The following PCDHA12 variants were observed in gnomAD, a reference collection of about 807,000 sequenced individuals.
PCDHA12 encodes the protein protocadherin alpha-12.
Under a neutral mutation model 60.0 loss-of-function variants are expected in PCDHA12, and 44 were observed. The ratio of observed to expected loss-of-function variants is 0.73; its 90% CI spans 0.58 to 0.94. PCDHA12 has a LOEUF of 0.94. Among genes scored for constraint, PCDHA12 ranks in the 40% least tolerant of loss-of-function variants. PCDHA12 has a pLI of 0.00. For missense variants in PCDHA12, 1,276 were observed against 1,239.7 expected (o/e 1.03, Z -0.44); for synonymous variants, 569 against 553.0 (o/e 1.03, Z -0.40).
chr5:140,969,251 A>G, intron 1 of PCDHA12: 1 of 1,614,262 alleles, frequency 6.2e-7, no homozygotes, highest in South Asian at 1.1e-5. Flanking sequence ...AGTGACTGAC[A>G]GCAGGAATCT....
chr5:140,875,399 C>T lies in PCDHA12; in HGVS notation c.-74C>T, dbSNP rs62622796. On this transcript the variant is annotated 5_prime_UTR_variant, in exon 1 of 4. Transcript: ENST00000398631. ...AATATGTACTTACAGAAAAGGGTGACTGCTCATAAAATACCTCAGGCAAGC... is the reference window on the plus strand; with the variant it reads ...AATATGTACTTACAGAAAAGGGTGATTGCTCATAAAATACCTCAGGCAAGC... The T allele has an allele frequency of 0.028, 40,992 of 1,482,866 alleles. 731 individuals carry two copies. The highest frequency in any genetic ancestry group is 0.032 in the Non-Finnish European group (35,682 of 1,117,766). 91.9% of individuals were successfully genotyped at this position (1,482,866 alleles called of 1,614,324 possible).
chr5:140,876,776 T>C lies in PCDHA12; in HGVS notation c.1304T>C (p.Leu435Pro). ...VTARDGGSPSLWATARVSVEV... is the reference protein window; with the variant it reads ...VTARDGGSPSPWATARVSVEV... ...GCGCGGGATGGGGGCTCGCCTTCGC[T>C]GTGGGCCACGGCTAGAGTGTCCGTG... The change falls in exon 1 of 4, where the codon CTG becomes CCG. Residue 435 changes from leucine (L) to proline (P), a missense_variant. Transcript: ENST00000398631. 1.2e-6 allele frequency: 2 copies of C among 1,614,212 alleles called. No homozygotes were observed. The highest frequency in any genetic ancestry group is 1.7e-6 in the Non-Finnish European group (2 of 1,180,026).
At position 140,993,463 on chromosome 5, in the gene PCDHA12, CA is replaced by C. The variant is rs1563591979; in HGVS notation, c.2515+10901del. ...ATTCCTGTTCTCCTTCTTTCTTTCTCACACACACACACACACACACACACAC... is the reference window on the plus strand; with the variant it reads ...ATTCCTGTTCTCCTTCTTTCTTTCTCCACACACACACACACACACACACAC... On this transcript the variant is annotated intron_variant, in intron 3 of 3. Coordinates refer to ENST00000398631, the MANE Select transcript of PCDHA12 (RefSeq NM_018903.4). Among the ~76,000 whole-genome samples the C allele has an allele frequency of 9.6e-3, 73 of 7,582 alleles. 1 individual carries two copies. The highest frequency in any genetic ancestry group is 0.047 in the African/African-American group (71 of 1,514). 5.0% of individuals were successfully genotyped at this position (7,582 alleles called of 152,430 possible).
At chr5:140,983,018 A>T (rs2097022598) in intron 3 of PCDHA12, among the ~76,000 whole-genome samples, 1 of 152,096 alleles carries the variant, frequency 6.6e-6, no homozygotes, top group African/African-American at 2.4e-5. Flanking sequence ...GGAAGGAAGG[A>T]AGGAAGATGG....
chr5:140,891,230 T>G (rs1192105465), intron 1 of PCDHA12, among the ~76,000 whole-genome samples: 1 of 152,232 alleles, frequency 6.6e-6, no homozygotes, highest in Non-Finnish European at 1.5e-5. Flanking sequence ...AATCATCCTG[T>G]TCTGGATTCA....
chr5:140,997,077 G>T (rs1201538953), intron 3 of PCDHA12, among the ~76,000 whole-genome samples: 3 of 152,062 alleles, frequency 2.0e-5, no homozygotes, highest in Admixed American at 2.0e-4. Flanking sequence ...CAGGAAAGTT[G>T]AGTAGAAAGT....
chr5:140,917,853 G>A (rs1187603480), intron 1 of PCDHA12, among the ~76,000 whole-genome samples: 1 of 151,906 alleles, frequency 6.6e-6, no homozygotes, highest in African/African-American at 2.4e-5. Flanking sequence ...TTTTTGCTTA[G>A]GATTGCTTTG....
rs2098417240 is a variant in PCDHA12 at position 141,010,418 on chromosome 5, G to A, written c.*481G>A. Reference sequence around the variant, plus strand: ...AGCCAGCTTAGACTAATTGGTACAAGGAAGGCAAGAAAACAAAGACAAATA... The same window carrying A: ...AGCCAGCTTAGACTAATTGGTACAAAGAAGGCAAGAAAACAAAGACAAATA... On this transcript the variant is annotated 3_prime_UTR_variant, in exon 4 of 4. Coordinates refer to ENST00000398631, the MANE Select transcript of PCDHA12 (RefSeq NM_018903.4). The A allele has an allele frequency of 3.4e-6, 4 of 1,168,142 alleles. No homozygotes were observed. The East Asian group carries it at 1.0e-4, about 30-fold the overall frequency. The allele number at this position is 1,168,142 out of a possible 1,614,324, so 72.4% of individuals were successfully genotyped here. A position where few individuals can be genotyped will look rare whatever the true frequency, so the allele number is the denominator to read the frequency against.
chr5:140,935,230 CTA>C (rs1363291872), intron 1 of PCDHA12, among the ~76,000 whole-genome samples: 2 of 152,128 alleles, frequency 1.3e-5, no homozygotes, highest in African/African-American at 4.8e-5. Context: ...TAAGGGATGT[CTA>C]TTTTTTAAAA....
intron 1 of PCDHA12, among the ~76,000 whole-genome samples, chr5:140,965,764 A>G (rs2095932618): frequency 6.6e-6 from 1 of 152,258 alleles, no homozygotes; most frequent in Non-Finnish European, 1.5e-5. Flanking sequence ...AATGGGTCAA[A>G]TAATAGATTT....
intron 1 of PCDHA12, among the ~76,000 whole-genome samples, chr5:140,896,733 C>T (rs920661983): frequency 2.0e-5 from 3 of 151,970 alleles, no homozygotes; most frequent in Non-Finnish European, 2.9e-5. Flanking sequence ...TGTTTAAGTT[C>T]CTTATAGATT....
intron 3 of PCDHA12, 63 bp downstream of exon 3, chr5:140,982,626 T>C (rs782343298): frequency 2.5e-5 from 39 of 1,581,800 alleles, no homozygotes; most frequent in Non-Finnish European, 2.8e-5. Context: ...TGACCTACTT[T>C]TGTAAGATCA....
At chr5:140,927,678 A>G in intron 1 of PCDHA12, 1 of 1,614,180 alleles carries the variant, frequency 6.2e-7, no homozygotes, top group Non-Finnish European at 8.5e-7. Context: ...ATCCAGATGA[A>G]GGGTCCAATG....
At chr5:141,007,878 C>G (rs1316002060) in intron 3 of PCDHA12, among the ~76,000 whole-genome samples, 5 of 152,212 alleles carry the variant, frequency 3.3e-5, no homozygotes, top group African/African-American at 7.2e-5. Flanking sequence ...TTGTCTTACA[C>G]TTCTTTAAAA....
chr5:140,928,570 C>A (rs2085340367), intron 1 of PCDHA12: 1 of 1,614,196 alleles, frequency 6.2e-7, no homozygotes, highest in South Asian at 1.1e-5. Flanking sequence ...GTTTCCCTTG[C>A]CCAGAAATGG....
At chr5:140,893,575 T>C (rs930167579) in intron 1 of PCDHA12, among the ~76,000 whole-genome samples, 6 of 152,220 alleles carry the variant, frequency 3.9e-5, no homozygotes, top group Non-Finnish European at 7.3e-5. Flanking sequence ...CCTCAGTTTT[T>C]GCTTGTTTGG....
At chr5:140,904,303 G>A (rs1176685220) in intron 1 of PCDHA12, among the ~76,000 whole-genome samples, 3 of 151,902 alleles carry the variant, frequency 2.0e-5, no homozygotes, top group African/African-American at 7.3e-5. Flanking sequence ...CCATTCCTGA[G>A]TTTCTTCACT....
At chr5:140,977,283 G>A (rs2096753441) in intron 1 of PCDHA12, among the ~76,000 whole-genome samples, 1 of 152,190 alleles carries the variant, frequency 6.6e-6, no homozygotes, top group African/African-American at 2.4e-5. Context: ...CTCAAAGGAA[G>A]GTTCTCTCAG....
intron 3 of PCDHA12, among the ~76,000 whole-genome samples, chr5:140,993,462 T>TCTCACA (rs1235362335): frequency 7.1e-6 from 1 of 140,938 alleles, no homozygotes; most frequent in Non-Finnish European, 1.5e-5. Flanking sequence ...TCTTTCTTTC[T>TCTCACA]CACACACACA....
Sources: gnomAD v4.1 joint callset for allele counts (sites outside exome capture counted in the v4.1 genomes callset) on GRCh38, gnomAD v4.1.1 for gene constraint, MANE v1.5 for transcripts, NCBI Gene and HGNC (gene_info 2026-07-23, HGNC 2026-07-21) for gene names.